Variants in CAMTA1 observed in about 807,000 individuals in gnomAD.
CAMTA1 encodes the protein calmodulin binding transcription activator 1.
CAMTA1 carries 27 observed loss-of-function variants against 170.9 expected under a neutral mutation model. That is an observed-to-expected ratio of 0.16 (90% CI 0.12 to 0.22). The LOEUF is 0.22. Among genes scored for constraint, CAMTA1 ranks in the 10% least tolerant of loss-of-function variants. CAMTA1 has a pLI of 1.00. For missense variants in CAMTA1, 1,619 were observed against 2,217.2 expected (o/e 0.73, Z 5.42); for synonymous variants, 833 against 891.5 (o/e 0.93, Z 1.17).
chr1:7,416,271 G>T (rs2091165318), intron 5 of CAMTA1, among the ~76,000 whole-genome samples: 1 of 152,044 alleles, frequency 6.6e-6, no homozygotes, highest in Non-Finnish European at 1.5e-5. Flanking sequence ...TATCTTTGTG[G>T]CATTCTCTGT....
intron 3 of CAMTA1, among the ~76,000 whole-genome samples, chr1:7,021,597 A>G (rs913525932): frequency 6.6e-6 from 1 of 152,140 alleles, no homozygotes; most frequent in Non-Finnish European, 1.5e-5. Context: ...CAGGAGGGAC[A>G]TTGGATGAGG....
intron 6 of CAMTA1, among the ~76,000 whole-genome samples, chr1:7,500,856 C>T (rs552189262): frequency 3.3e-5 from 5 of 152,244 alleles, no homozygotes; most frequent in African/African-American, 9.6e-5. Context: ...CAGGGCAGAG[C>T]TTGTGGCCGC....
chr1:7,581,581 C>T (rs973672388), intron 6 of CAMTA1, among the ~76,000 whole-genome samples: 1 of 152,266 alleles, frequency 6.6e-6, no homozygotes, highest in African/African-American at 2.4e-5. Flanking sequence ...GAGCACCCTC[C>T]CTCCACTGGG....
intron 4 of CAMTA1, among the ~76,000 whole-genome samples, chr1:7,170,178 T>TA (rs1371263973): frequency 9.2e-5 from 14 of 152,352 alleles, no homozygotes; most frequent in Admixed American, 7.8e-4. Flanking sequence ...CCTTTCTAAA[T>TA]ATGTTTTAGC....
intron 4 of CAMTA1, among the ~76,000 whole-genome samples, chr1:7,153,045 A>G (rs969712156): frequency 2.0e-5 from 3 of 152,232 alleles, no homozygotes; most frequent in Non-Finnish European, 4.4e-5. Context: ...AGGTCATTTC[A>G]TAGACACTTG....
intron 7 of CAMTA1, among the ~76,000 whole-genome samples, chr1:7,659,502 C>T (rs1462978713): frequency 1.3e-5 from 2 of 152,080 alleles, no homozygotes; most frequent in Non-Finnish European, 2.9e-5. Context: ...CCACTGCACT[C>T]CAGCCTGGGC....
At chr1:7,495,921 T>C (rs1293968561) in intron 6 of CAMTA1, among the ~76,000 whole-genome samples, 1 of 152,062 alleles carries the variant, frequency 6.6e-6, no homozygotes, top group African/African-American at 2.4e-5. Flanking sequence ...GTTCCCAGGG[T>C]CCTGTCTTGG....
rs181345512 is a variant in CAMTA1, at chr1:7,453,999, G to A, written c.439-13831G>A. On this transcript the variant is annotated intron_variant, in intron 5 of 22. Transcript: ENST00000303635. ...TGGGAATTTCAGGGGAGACCTGAGC[G>A]GAACCAGGGAGGATCTGACATTTTT... Among the ~76,000 whole-genome samples, 322 of 152,372 alleles carry A rather than the reference G, an allele frequency of 2.1e-3. 4 individuals carry two copies. The highest frequency in any genetic ancestry group is 7.4e-3 in the African/African-American group (309 of 41,588).
intron 6 of CAMTA1, among the ~76,000 whole-genome samples, chr1:7,603,218 G>C (rs1394647400): frequency 6.6e-6 from 1 of 152,216 alleles, no homozygotes; most frequent in Non-Finnish European, 1.5e-5. Context: ...GCAGAGCTGA[G>C]TTCAGTTCCT....
At chr1:7,453,749 T>C (rs1171075574) in intron 5 of CAMTA1, among the ~76,000 whole-genome samples, 1 of 152,190 alleles carries the variant, frequency 6.6e-6, no homozygotes, top group Non-Finnish European at 1.5e-5. Flanking sequence ...AGCTGACCCT[T>C]AGGCAGAAGA....
At chr1:7,496,539 C>T (rs561775843) in intron 6 of CAMTA1, among the ~76,000 whole-genome samples, 1 of 152,322 alleles carries the variant, frequency 6.6e-6, no homozygotes, top group South Asian at 2.1e-4. Flanking sequence ...AGTGTCTGCC[C>T]TGTACCCAGG....
chr1:6,838,675 C>A (rs1367436781), intron 3 of CAMTA1, among the ~76,000 whole-genome samples: 1 of 152,108 alleles, frequency 6.6e-6, no homozygotes, highest in Non-Finnish European at 1.5e-5. Flanking sequence ...GTTTACTGTA[C>A]ATGTAGTTCT....
chr1:6,898,655 T>C lies in CAMTA1; in HGVS notation c.234+73445T>C, dbSNP rs139596393. ...GAATGGGCTCATAATGGAACAGTTA[T>C]CCTGGGTGGAGTTGGTGCTTCGTGA... On this transcript the variant is annotated intron_variant, in intron 3 of 22. Transcript: ENST00000303635. 2.9e-3 allele frequency among the ~76,000 whole-genome samples: 439 copies of C among 152,324 alleles called. 1 individual carries two copies. The highest frequency in any genetic ancestry group is 4.5e-3 in the Non-Finnish European group (305 of 68,010).
chr1:6,901,575 T>C (rs551871172), intron 3 of CAMTA1, among the ~76,000 whole-genome samples: 50 of 152,182 alleles, frequency 3.3e-4, no homozygotes, highest in Non-Finnish European at 4.3e-4. Context: ...TCTCTAGACA[T>C]CTTAGGATAC....
chr1:7,187,494 A>G (rs1314975060), intron 4 of CAMTA1, among the ~76,000 whole-genome samples: 3 of 152,218 alleles, frequency 2.0e-5, no homozygotes, highest in African/African-American at 7.2e-5. Flanking sequence ...TCCCCATTAA[A>G]TTTTTAAAAA....
intron 5 of CAMTA1, among the ~76,000 whole-genome samples, chr1:7,363,879 T>C (rs936343749): frequency 6.6e-6 from 1 of 152,144 alleles, no homozygotes. Flanking sequence ...CTCAAAGGCA[T>C]AGCAAGCCAG....
At chr1:7,529,631 A>G (rs1056080358) in intron 6 of CAMTA1, among the ~76,000 whole-genome samples, 31 of 152,036 alleles carry the variant, frequency 2.0e-4, no homozygotes, top group African/African-American at 7.0e-4. Flanking sequence ...TCTGCTGTCT[A>G]TGGGTTAAAA....
At chr1:7,074,655 C>G (rs1639067744) in intron 3 of CAMTA1, among the ~76,000 whole-genome samples, 1 of 152,162 alleles carries the variant, frequency 6.6e-6, no homozygotes, top group Admixed American at 6.5e-5. Context: ...TTTACATTTT[C>G]CATCTCAACT....
At chr1:6,984,571 G>T (rs1469921339) in intron 3 of CAMTA1, among the ~76,000 whole-genome samples, 3 of 152,148 alleles carry the variant, frequency 2.0e-5, no homozygotes, top group African/African-American at 7.2e-5. Context: ...CCGAGATGGC[G>T]CCACTGCACC....
Sources: allele counts gnomAD v4.1 joint callset (sites outside exome capture counted in the v4.1 genomes callset), GRCh38; gene constraint gnomAD v4.1.1; transcripts MANE v1.5; gene names NCBI Gene and HGNC (gene_info 2026-07-23, HGNC 2026-07-21).